Variants in LETM1 observed in about 807,000 individuals in gnomAD.
The protein encoded by LETM1 is leucine zipper and EF-hand containing transmembrane protein 1, also known as mitochondrial proton/calcium exchanger protein.
A neutral mutation model predicts 74.5 loss-of-function variants in LETM1; 50 were observed. The ratio of observed to expected loss-of-function variants is 0.67; its 90% CI spans 0.53 to 0.85. LETM1 has a LOEUF of 0.85. Ranked by LOEUF, LETM1 falls within the 40% of genes least tolerant of loss-of-function variation. LETM1 has a pLI of 0.00. For missense variants in LETM1, 824 were observed against 967.8 expected, an observed-to-expected ratio of 0.85 and a Z score of 1.97; for synonymous variants, 446 against 407.1, an observed-to-expected ratio of 1.10 and a Z score of -1.15.
intron 1 of LETM1, among the ~76,000 whole-genome samples, chr4:1,851,067 C>T (rs903291968): frequency 2.0e-5 from 3 of 152,266 alleles, no homozygotes; most frequent in Middle Eastern, 6.8e-3. Flanking sequence ...CCCTAACTTG[C>T]TCTAGTTCCT....
At chr4:1,850,538 C>T (rs527863658) in intron 1 of LETM1, among the ~76,000 whole-genome samples, 1 of 151,498 alleles carries the variant, frequency 6.6e-6, no homozygotes, top group East Asian at 2.0e-4. Flanking sequence ...CAGTGGCTCA[C>T]GCCTGTAATC....
At chr4:1,828,534 C>T (rs1398896874) in intron 6 of LETM1, among the ~76,000 whole-genome samples, 3 of 83,956 alleles carry the variant, frequency 3.6e-5, no homozygotes, top group Admixed American at 1.2e-4. Flanking sequence ...CCCTCCCGGA[C>T]GGGGCGGCTG....
At chr4:1,835,524 C>T (rs981561588) in intron 4 of LETM1, among the ~76,000 whole-genome samples, 1 of 152,134 alleles carries the variant, frequency 6.6e-6, no homozygotes, top group Non-Finnish European at 1.5e-5. Context: ...AAGCAAGGAT[C>T]GGCACACTTT....
At chr4:1,832,461 G>C (rs369381406) in intron 6 of LETM1, among the ~76,000 whole-genome samples, 132 of 152,252 alleles carry the variant, frequency 8.7e-4, no homozygotes, top group African/African-American at 3.0e-3. Flanking sequence ...AGGCACAGAG[G>C]CACTGTCATC....
intron 1 of LETM1, among the ~76,000 whole-genome samples, chr4:1,854,403 C>T (rs1337903620): frequency 6.6e-6 from 1 of 151,414 alleles, no homozygotes; most frequent in Non-Finnish European, 1.5e-5. Flanking sequence ...TCGCTTGAAC[C>T]TGGAAGGCAG....
Position 1,822,995 on chromosome 4 carries a change from T to C in LETM1, c.1469A>G (p.Glu490Gly). 1 of 1,585,848 alleles carries C rather than the reference T, an allele frequency of 6.3e-7. No homozygotes were observed. Among genetic ancestry groups the C allele is most frequent in the Non-Finnish European group, 8.6e-7 (1 of 1,163,524 alleles). Residue 490 changes from glutamate (E) to glycine (G), a missense_variant, in exon 9 of 14, where the codon GAG becomes GGG. Glu to Gly is a moderately conservative substitution (Grantham distance 98). This residue lies in a region of LETM1 where 172 missense variants were observed against 170.7 expected (regional missense o/e 1.01). Coordinates refer to ENST00000302787, the MANE Select transcript of LETM1 (RefSeq NM_012318.3). ...HREKELQKRS[E>G]VAKDFEPERV... ...AGCAGGACCACCGCTTACCGCCACC[T>C]CCGAGCGCTTCTGCAGCTCCTTCTC...
chr4:1,821,649 C>A (rs185689384), intron 10 of LETM1, among the ~76,000 whole-genome samples: 2 of 152,308 alleles, frequency 1.3e-5, no homozygotes, highest in Non-Finnish European at 2.9e-5. Flanking sequence ...GATGGCGCCA[C>A]TGCACTTCAG....
chr4:1,811,887 T>A lies in LETM1; in HGVS notation c.*2537A>T, dbSNP rs1722480356. 6.6e-6 allele frequency: 1 copy of A among 151,900 alleles called. No homozygotes were observed. Among genetic ancestry groups the A allele is most frequent in the Non-Finnish European group, 1.5e-5 (1 of 68,006 alleles). The allele number at this position is 151,900 out of a possible 1,614,324, so 9.4% of individuals were successfully genotyped here. A position where few individuals can be genotyped will look rare whatever the true frequency, so the allele number is the denominator to read the frequency against. ...GGGTGGATCACCTGAGGTCAGGAGT[T>A]GAAGACCAGCCTGACCAACATGATG... On this transcript the variant is annotated 3_prime_UTR_variant, in exon 14 of 14. Coordinates refer to ENST00000302787, the MANE Select transcript of LETM1 (RefSeq NM_012318.3).
rs780535018 is a variant in LETM1, at chr4:1,841,665, A to T, written c.276T>A (p.Ser92=). Reference sequence around the variant, plus strand: ...GAGGTCCCACAGCCACAAAACCCACAGAGGTAGAGGTCCATGGCGCTCTCG... The same window carrying T: ...GAGGTCCCACAGCCACAAAACCCACTGAGGTAGAGGTCCATGGCGCTCTCG... ...IVSRAPWTST[S]VGFVAVGPQC... is the part of the protein sequence containing the mutation. The change falls in exon 3 of 14, where the codon TCT becomes TCA. Residue 92 remains serine, a synonymous_variant. Coordinates refer to ENST00000302787, the MANE Select transcript of LETM1 (RefSeq NM_012318.3). 5.6e-6 allele frequency: 9 copies of T among 1,614,112 alleles called. No individual in the cohort carries two copies. Among genetic ancestry groups the T allele is most frequent in the Non-Finnish European group, 7.6e-6 (9 of 1,180,036 alleles).
intron 10 of LETM1, 147 bp downstream of exon 10, chr4:1,822,034 G>T: frequency 1.3e-6 from 1 of 778,740 alleles, no homozygotes; most frequent in Non-Finnish European, 1.8e-6. Context: ...GGGCCCAGTG[G>T]CCTCATCCTC....
rs768939184 is a variant in LETM1 at position 1,819,517 on chromosome 4, G to A, written c.1609-45C>T. ...ACAACAAAGCCTGAGCCAAGGGAAAGAACTGGCCTGTTCCCAAGTGACCAG... is the reference window on the plus strand; with the variant it reads ...ACAACAAAGCCTGAGCCAAGGGAAAAAACTGGCCTGTTCCCAAGTGACCAG... On this transcript the variant is annotated intron_variant, in intron 10 of 13. Transcript: ENST00000302787. 3 of 1,583,728 alleles carry A rather than the reference G, an allele frequency of 1.9e-6. No individual in the cohort carries two copies. The Admixed American group carries it at 5.3e-5, about 28-fold the overall frequency.
intron 2 of LETM1, among the ~76,000 whole-genome samples, chr4:1,843,783 C>T (rs1371786815): frequency 1.3e-5 from 2 of 152,188 alleles, no homozygotes; most frequent in African/African-American, 4.8e-5. Flanking sequence ...TTCTCCTCAG[C>T]TCTGGGGTCA....
At chr4:1,851,094 A>G (rs1029300880) in intron 1 of LETM1, among the ~76,000 whole-genome samples, 1 of 152,218 alleles carries the variant, frequency 6.6e-6, no homozygotes, top group Non-Finnish European at 1.5e-5. Flanking sequence ...ATAAAGTCAG[A>G]GTTCATTCGT....
chr4:1,846,387 C>T (rs889841293), intron 2 of LETM1: 1 of 152,124 alleles, frequency 6.6e-6, no homozygotes, highest in African/African-American at 2.4e-5. Context: ...CTGCCTCAGC[C>T]TCCTGAGTAG....
chr4:1,827,489 T>C (rs1400995974), intron 6 of LETM1, among the ~76,000 whole-genome samples: 42 of 109,600 alleles, frequency 3.8e-4, no homozygotes, highest in Admixed American at 3.9e-4. Context: ...TGGTGATGAC[T>C]CTTAACGAGC....
chr4:1,832,344 C>T (rs891797219), intron 6 of LETM1, among the ~76,000 whole-genome samples: 2 of 151,922 alleles, frequency 1.3e-5, no homozygotes, highest in Admixed American at 6.6e-5. Context: ...GAGGGCAGCG[C>T]CCTGAAAGCA....
intron 13 of LETM1, 87 bp downstream of exon 13, chr4:1,815,577 T>C (rs1577307556): frequency 1.4e-6 from 2 of 1,469,938 alleles, no homozygotes; most frequent in African/African-American, 1.4e-5. Flanking sequence ...CCCAGGAGGG[T>C]GCCGGACATG....
chr4:1,827,600 T>G (rs1239974149), intron 6 of LETM1, among the ~76,000 whole-genome samples: 4 of 125,078 alleles, frequency 3.2e-5, no homozygotes, highest in African/African-American at 1.3e-4. Context: ...AGCACAGGGT[T>G]GGGGGTAAGG....
rs1722514302 is a variant in LETM1 at position 1,812,983 on chromosome 4, T to G, written c.*1441A>C. On this transcript the variant is annotated 3_prime_UTR_variant, in exon 14 of 14. Coordinates refer to ENST00000302787, the MANE Select transcript of LETM1 (RefSeq NM_012318.3). ...GCACACACCTGGCAACTGCAAGACT[T>G]GTTCTCAAGGGTAAGTACACTTGGA... 1 of 152,378 alleles carries G rather than the reference T, an allele frequency of 6.6e-6. No homozygotes were observed. Among genetic ancestry groups the G allele is most frequent in the South Asian group, 2.1e-4 (1 of 4,834 alleles). 9.4% of individuals were successfully genotyped at this position (152,378 alleles called of 1,614,324 possible).
Sources: allele counts gnomAD v4.1 joint callset (sites outside exome capture counted in the v4.1 genomes callset), GRCh38; gene constraint gnomAD v4.1.1; regional missense constraint gnomAD v4.1.1; transcripts MANE v1.5; gene names NCBI Gene and HGNC (gene_info 2026-07-23, HGNC 2026-07-21).